The following FUT8 variants were observed in gnomAD, a reference collection of about 807,000 sequenced individuals.
The protein encoded by FUT8 is fucosyltransferase 8.
FUT8 carries 29 observed loss-of-function variants against 71.3 expected under a neutral mutation model. That is an observed-to-expected ratio of 0.41 (90% confidence interval 0.30 to 0.55). FUT8 has a LOEUF of 0.55. Among genes scored for constraint, FUT8 ranks in the 20% least tolerant of loss-of-function variants. FUT8 has a pLI of 0.34. For missense variants in FUT8, 544 were observed against 702.1 expected (o/e 0.77, Z 2.55); for synonymous variants, 254 against 239.3 (o/e 1.06, Z -0.57).
At chr14:65,436,296 A>G (rs1270543294) in intron 1 of FUT8, among the ~76,000 whole-genome samples, 1 of 151,812 alleles carries the variant, frequency 6.6e-6, no homozygotes, top group Non-Finnish European at 1.5e-5. Flanking sequence ...AACAACAAAA[A>G]CTTTTCTTTA....
At chr14:65,503,916 G>A (rs2066685447) in intron 2 of FUT8, among the ~76,000 whole-genome samples, 2 of 152,178 alleles carry the variant, frequency 1.3e-5, no homozygotes, top group Admixed American at 1.3e-4. Flanking sequence ...GGAGACCTTT[G>A]CGTGAACACA....
At chr14:65,432,483 G>A (rs757127060) in intron 1 of FUT8, among the ~76,000 whole-genome samples, 1 of 148,606 alleles carries the variant, frequency 6.7e-6, no homozygotes, top group Non-Finnish European at 1.5e-5. Flanking sequence ...AGATTCATTC[G>A]CTTGTCAAAC....
intron 2 of FUT8, among the ~76,000 whole-genome samples, chr14:65,480,367 G>C (rs1436472012): frequency 6.8e-6 from 1 of 146,772 alleles, no homozygotes; most frequent in African/African-American, 2.5e-5. Context: ...GGAGTGCAGT[G>C]GCATGAACAT....
At chr14:65,666,269 A>G (rs918711666) in intron 6 of FUT8, among the ~76,000 whole-genome samples, 2 of 152,088 alleles carry the variant, frequency 1.3e-5, no homozygotes, top group Non-Finnish European at 2.9e-5. Flanking sequence ...TCTTTCCTGA[A>G]TAAGAAACGT....
intron 2 of FUT8, among the ~76,000 whole-genome samples, chr14:65,538,853 GA>G (rs2139949080): frequency 6.6e-6 from 1 of 152,246 alleles, no homozygotes; most frequent in Non-Finnish European, 1.5e-5. Flanking sequence ...CCTGGAGGTG[GA>G]GGTTGGCAGT....
intron 2 of FUT8, among the ~76,000 whole-genome samples, chr14:65,553,510 G>A (rs993031290): frequency 6.6e-6 from 1 of 151,924 alleles, no homozygotes; most frequent in African/African-American, 2.4e-5. Flanking sequence ...TGCTATTTTT[G>A]TGTGTGCAGA....
chr14:65,686,098 G>C (rs1284376508), intron 7 of FUT8, among the ~76,000 whole-genome samples: 1 of 152,166 alleles, frequency 6.6e-6, no homozygotes, highest in African/African-American at 2.4e-5. Context: ...TAGAGAAGTG[G>C]TGAACAGAGG....
At chr14:65,721,657 A>C in intron 7 of FUT8, 118 bp from the exon 8 acceptor site, 1 of 1,007,150 alleles carries the variant, frequency 9.9e-7, no homozygotes, top group Non-Finnish European at 1.5e-6. Context: ...TTGTAAAGTG[A>C]AGATTATACT....
intron 6 of FUT8, among the ~76,000 whole-genome samples, chr14:65,647,655 A>C (rs1457127966): frequency 6.6e-6 from 1 of 152,208 alleles, no homozygotes; most frequent in Non-Finnish European, 1.5e-5. Flanking sequence ...GCTTATAGGA[A>C]ATGAGTAATA....
intron 2 of FUT8, among the ~76,000 whole-genome samples, chr14:65,555,054 C>G (rs1282988789): frequency 6.6e-6 from 1 of 152,084 alleles, no homozygotes; most frequent in Non-Finnish European, 1.5e-5. Flanking sequence ...TGAGCCAAAT[C>G]TGGTCCACAG....
intron 3 of FUT8, among the ~76,000 whole-genome samples, chr14:65,597,644 AAAG>A (rs1888064667): frequency 1.3e-5 from 2 of 152,172 alleles, no homozygotes; most frequent in Admixed American, 6.5e-5. Flanking sequence ...AACATAAATA[AAAG>A]AAGAAGAATG....
intron 2 of FUT8, among the ~76,000 whole-genome samples, chr14:65,514,057 G>A (rs1433443882): frequency 1.3e-5 from 2 of 152,188 alleles, no homozygotes; most frequent in African/African-American, 4.8e-5. Context: ...TTTGTATGCA[G>A]TCTCTATAAG....
chr14:65,573,509 A>G (rs931831425), intron 3 of FUT8, among the ~76,000 whole-genome samples: 1 of 152,144 alleles, frequency 6.6e-6, no homozygotes, highest in Non-Finnish European at 1.5e-5. Flanking sequence ...AATATTACAA[A>G]TAGGAGGGAA....
intron 7 of FUT8, among the ~76,000 whole-genome samples, chr14:65,715,593 C>T (rs79617183): frequency 6.6e-6 from 1 of 152,182 alleles, no homozygotes; most frequent in Non-Finnish European, 1.5e-5. Context: ...TAGACACTTA[C>T]TGCTATAAAC....
At chr14:65,723,761 G>A (rs752844340) in intron 8 of FUT8, among the ~76,000 whole-genome samples, 16 of 152,186 alleles carry the variant, frequency 1.1e-4, no homozygotes, top group Middle Eastern at 6.3e-3. Context: ...AGTAACAACT[G>A]TGAATCCTGG....
At chr14:65,591,532 C>T (rs779053086) in intron 3 of FUT8, among the ~76,000 whole-genome samples, 1 of 152,072 alleles carries the variant, frequency 6.6e-6, no homozygotes, top group Non-Finnish European at 1.5e-5. Context: ...TTTTGTGTAG[C>T]TTAATTAGCA....
chr14:65,444,708 A>G (rs1005318128), intron 1 of FUT8, among the ~76,000 whole-genome samples: 2 of 152,224 alleles, frequency 1.3e-5, no homozygotes, highest in Admixed American at 6.5e-5. Flanking sequence ...TTCCATTTAC[A>G]TGATATTTTC....
chr14:65,663,108 A>T (rs967418740), intron 6 of FUT8, among the ~76,000 whole-genome samples: 2 of 152,118 alleles, frequency 1.3e-5, no homozygotes, highest in African/African-American at 4.8e-5. Flanking sequence ...GCTCATGGAT[A>T]TGACACATTT....
rs978968991 is a variant in FUT8 at position 65,607,178 on chromosome 14, G to A, written c.204-8800G>A. On this transcript the variant is annotated intron_variant, in intron 3 of 10. Coordinates refer to ENST00000673929, the MANE Select transcript of FUT8 (RefSeq NM_001371533.1). This position sits in a 1 kb window ranked among gnomAD's most constrained non-coding sequence, Gnocchi z 4.1. ...ATTTGTTTCTTCATTTTCTACACTT[G>A]TAAGTCTTACTTCTTTATCTTATTA... Among the ~76,000 whole-genome samples, 1 of 151,742 alleles carries A rather than the reference G, an allele frequency of 6.6e-6. No individual in the cohort carries two copies. Among genetic ancestry groups the A allele is most frequent in the East Asian group, 1.9e-4 (1 of 5,198 alleles).
Sources: allele counts gnomAD v4.1 joint callset (sites outside exome capture counted in the v4.1 genomes callset), GRCh38; gene constraint gnomAD v4.1.1; non-coding constraint Gnocchi (gnomAD v3.1); transcripts MANE v1.5; gene names NCBI Gene and HGNC (gene_info 2026-07-23, HGNC 2026-07-21).